The following SCN9A variants were observed in gnomAD, a reference collection of about 807,000 sequenced individuals.
The protein encoded by SCN9A is sodium voltage-gated channel alpha subunit 9, also known as sodium channel protein type 9 subunit alpha.
Under a neutral mutation model 187.0 loss-of-function variants are expected in SCN9A, and 131 were observed. That is an observed-to-expected ratio of 0.70 (90% CI 0.61 to 0.81). SCN9A has a LOEUF of 0.81. SCN9A is among the 30% of genes least tolerant of loss of function. The pLI, the probability that SCN9A is intolerant of heterozygous loss-of-function variation, is 0.00. For missense variants in SCN9A, 2,252 were observed against 2,396.6 expected, an observed-to-expected ratio of 0.94 and a Z score of 1.26; for synonymous variants, 809 against 808.6, an observed-to-expected ratio of 1.00 and a Z score of -0.01.
intron 1 of SCN9A, among the ~76,000 whole-genome samples, chr2:166,320,399 C>T (rs1183826055): frequency 6.6e-6 from 1 of 152,100 alleles, no homozygotes. Flanking sequence ...GACTCTACAC[C>T]TTTCAAACAC....
Position 166,293,352 on chromosome 2 carries a change from G to T in SCN9A, c.986C>A (p.Thr329Asn). 1 of 1,609,464 alleles carries T rather than the reference G, an allele frequency of 6.2e-7. No homozygotes were observed. Among genetic ancestry groups the T allele is most frequent in the South Asian group, 1.1e-5 (1 of 89,888 alleles). ...TDSGQCPEGY[T>N]CVKIGRNPDY... ...AGGGTTTCTGCCAATTTTCACACAG[G>T]TGTACCCCTCTGGACACTGACTACA... The change falls in exon 9 of 27, where the codon ACC becomes AAC. Residue 329 changes from threonine to asparagine, a missense_variant. By Grantham distance (65) the Thr-to-Asn change is moderately conservative. This residue lies in a region of SCN9A where 1,013 missense variants were observed against 997.4 expected (regional missense o/e 1.02). Transcript: ENST00000642356.
At chr2:166,242,312 G>T (rs2106410103) in intron 19 of SCN9A, among the ~76,000 whole-genome samples, 190 bp downstream of exon 19, 1 of 152,192 alleles carries the variant, frequency 6.6e-6, no homozygotes, top group Middle Eastern at 3.4e-3. Context: ...ATTCAGGGCA[G>T]CAAGGATAAT....
chr2:166,270,498 G>T (rs1280530433), intron 17 of SCN9A, among the ~76,000 whole-genome samples: 1 of 151,736 alleles, frequency 6.6e-6, no homozygotes, highest in Non-Finnish European at 1.5e-5. Flanking sequence ...TGGAAAAAAT[G>T]TCCTTGGCTA....
At chr2:166,355,673 T>C (rs1246030650) in intron 1 of SCN9A, among the ~76,000 whole-genome samples, 1 of 152,212 alleles carries the variant, frequency 6.6e-6, no homozygotes, top group African/African-American at 2.4e-5. Flanking sequence ...AAAGGAATTA[T>C]GCAGTAACTT....
At chr2:166,275,925 A>G (rs1173956086) in intron 16 of SCN9A, among the ~76,000 whole-genome samples, 1 of 152,146 alleles carries the variant, frequency 6.6e-6, no homozygotes, top group East Asian at 1.9e-4. Flanking sequence ...CAAGGACAAC[A>G]ATATTTTAGT....
At chr2:166,328,082 A>G (rs1574930712) in intron 1 of SCN9A, among the ~76,000 whole-genome samples, 1 of 152,116 alleles carries the variant, frequency 6.6e-6, no homozygotes, top group Non-Finnish European at 1.5e-5. Context: ...AACAAAGCAG[A>G]CCTGTCATTT....
At chr2:166,271,823 A>T (rs1339015934) in intron 17 of SCN9A, among the ~76,000 whole-genome samples, 1 of 151,772 alleles carries the variant, frequency 6.6e-6, no homozygotes, top group Non-Finnish European at 1.5e-5. Context: ...GCACCACTGT[A>T]CTCCAGACTG....
intron 1 of SCN9A, among the ~76,000 whole-genome samples, chr2:166,345,140 CA>C (rs1699870108): frequency 1.3e-5 from 2 of 151,668 alleles, no homozygotes; most frequent in South Asian, 2.1e-4. Context: ...GGAAGGGTAG[CA>C]AAAAAATGAC....
intron 1 of SCN9A, among the ~76,000 whole-genome samples, chr2:166,325,600 A>T (rs1224556938): frequency 6.6e-6 from 1 of 152,120 alleles, no homozygotes; most frequent in Admixed American, 6.6e-5. Flanking sequence ...GTACAATTTA[A>T]CTCCCTCAAC....
chr2:166,218,980 G>A (rs1356244427), intron 24 of SCN9A, among the ~76,000 whole-genome samples: 2 of 152,134 alleles, frequency 1.3e-5, no homozygotes, highest in Admixed American at 1.3e-4. Flanking sequence ...CAATGTCACT[G>A]ACCATTAGAG....
intron 24 of SCN9A, 99 bp downstream of exon 24, chr2:166,226,468 T>C (rs7595255): frequency 0.88 from 690,683 of 788,272 alleles, 303,035 homozygotes; most frequent in East Asian, 0.95. Flanking sequence ...TCTAATAAAA[T>C]TAATCATGAA....
At chr2:166,322,565 C>T (rs1045617543) in intron 1 of SCN9A, among the ~76,000 whole-genome samples, 4 of 152,144 alleles carry the variant, frequency 2.6e-5, no homozygotes, top group Non-Finnish European at 5.9e-5. Flanking sequence ...GAGTTTTGCA[C>T]ATAATGAACA....
intron 1 of SCN9A, among the ~76,000 whole-genome samples, chr2:166,315,196 T>C (rs1382928360): frequency 1.3e-5 from 2 of 152,186 alleles, no homozygotes; most frequent in African/African-American, 2.4e-5. Flanking sequence ...AGTGTAGACA[T>C]ACTGTGGCTC....
At chr2:166,237,386 CCAT>C (rs1424139467) in intron 20 of SCN9A, among the ~76,000 whole-genome samples, 1 of 151,788 alleles carries the variant, frequency 6.6e-6, no homozygotes, top group East Asian at 1.9e-4. Context: ...TATGTATTTT[CCAT>C]CATCCAAGTA....
intron 12 of SCN9A, 71 bp downstream of exon 12, chr2:166,284,382 C>T (rs1697631363): frequency 6.5e-7 from 1 of 1,533,834 alleles, no homozygotes; most frequent in Non-Finnish European, 8.8e-7. Flanking sequence ...AGAGAAGGCC[C>T]TTCAGCAGAG....
chr2:166,326,210 T>G (rs1476757804), intron 1 of SCN9A, among the ~76,000 whole-genome samples: 1 of 152,124 alleles, frequency 6.6e-6, no homozygotes, highest in Non-Finnish European at 1.5e-5. Context: ...AAGATAAAGC[T>G]GAAACATTCA....
intron 1 of SCN9A, among the ~76,000 whole-genome samples, chr2:166,314,741 G>T (rs548053319): frequency 1.2e-3 from 190 of 152,290 alleles, no homozygotes; most frequent in Non-Finnish European, 2.1e-3. Flanking sequence ...GAAATGTCCA[G>T]AATAGGCAAA....
At chr2:166,303,901 G>A (rs1698663632) in intron 6 of SCN9A, 7 of 971,962 alleles carry the variant, frequency 7.2e-6, no homozygotes, top group African/African-American at 3.3e-5. Context: ...AAACTCAAAG[G>A]TTGACTTTTG....
rs201994523 is a variant in SCN9A, at chr2:166,284,767, G to A, written c.1660C>T (p.Leu554Phe). Residue 554 changes from leucine to phenylalanine, a missense_variant, in exon 12 of 27, where the codon CTT (leucine) becomes TTT (phenylalanine). Physicochemically the swap from Leu to Phe is conservative, Grantham distance 22 (BLOSUM62 0). This residue lies in a region of SCN9A where 1,013 missense variants were observed against 997.4 expected (regional missense o/e 1.02). Transcript: ENST00000642356. Reference protein sequence around the residue: ...FSARRSSRTSLFSFKGRGRDI... With the variant: ...FSARRSSRTSFFSFKGRGRDI... ...CTTCCTCTGCCTTTGAAACTAAAAAGACTTGTTCTGCTGCTTCGCCTTGCA... is the reference window on the plus strand; with the variant it reads ...CTTCCTCTGCCTTTGAAACTAAAAAAACTTGTTCTGCTGCTTCGCCTTGCA... The A allele has an allele frequency of 6.2e-7, 1 of 1,613,494 alleles. No homozygotes were observed. The highest frequency in any genetic ancestry group is 2.2e-5 in the East Asian group (1 of 44,862).
Sources: allele counts gnomAD v4.1 joint callset (sites outside exome capture counted in the v4.1 genomes callset), GRCh38; gene constraint gnomAD v4.1.1; regional missense constraint gnomAD v4.1.1; transcripts MANE v1.5; gene names NCBI Gene and HGNC (gene_info 2026-07-23, HGNC 2026-07-21).